IMPG1: variants seen among roughly 807,000 people sequenced by gnomAD.
IMPG1 encodes the protein interphotoreceptor matrix proteoglycan 1, also known as interphotoreceptor matrix proteoglycan of 150 kDa.
Under a neutral mutation model 92.0 loss-of-function variants are expected in IMPG1, and 85 were observed. The observed-to-expected ratio is 0.92, with a 90% CI of 0.78 to 1.11. The LOEUF (loss-of-function observed/expected upper bound fraction) is 1.11, where lower values mean the gene tolerates loss of function less well. Ranked by LOEUF, IMPG1 falls within the 50% of genes least tolerant of loss-of-function variation. IMPG1 has a pLI of 0.00. For synonymous variants in IMPG1, 367 were observed against 334.1 expected, an observed-to-expected ratio of 1.10 and a Z score of -1.08; for missense variants, 1,022 against 956.0, an observed-to-expected ratio of 1.07 and a Z score of -0.91.
intron 12 of IMPG1, among the ~76,000 whole-genome samples, chr6:75,978,459 A>G (rs1311355910): frequency 6.6e-6 from 1 of 152,076 alleles, no homozygotes; most frequent in East Asian, 1.9e-4. Flanking sequence ...CCTCTGAGAA[A>G]GGCAAGGTAG....
In IMPG1 at chr6:76,041,989, T is replaced by A; in HGVS notation, c.205A>T (p.Lys69Ter). The A allele has an allele frequency of 6.2e-7, 1 of 1,614,048 alleles. No homozygotes were observed. The highest frequency in any genetic ancestry group is 8.5e-7 in the Non-Finnish European group (1 of 1,179,910). ...RIFDLAKHRT[K>*]RSAFFPTGVK... ...CCCGTTGGGAAAAATGCGGATCTTT[T>A]TGTTCGATGCTTTGCCAAATCGAAT... The change falls in exon 2 of 17, where the codon AAA (lysine) becomes TAA (stop). Residue 69 changes from lysine (K) to a stop codon, truncating the protein, a stop_gained. Coordinates refer to ENST00000369950, the MANE Select transcript of IMPG1 (RefSeq NM_001563.4). LOFTEE classifies it high-confidence loss of function.
intron 4 of IMPG1, among the ~76,000 whole-genome samples, chr6:76,032,582 A>G (rs977662235): frequency 3.3e-5 from 5 of 152,214 alleles, no homozygotes; most frequent in Admixed American, 6.5e-5. Flanking sequence ...ATACTCCTAC[A>G]GGAAAACTGG....
In IMPG1 at chr6:75,945,936, G is replaced by A. The variant is rs112411839; in HGVS notation, c.2044+1378C>T. 9.3e-4 allele frequency among the ~76,000 whole-genome samples: 141 copies of A among 152,304 alleles called. 1 individual carries two copies. Among genetic ancestry groups the A allele is most frequent in the African/African-American group, 3.2e-3 (134 of 41,572 alleles). Reference sequence around the variant, plus strand: ...CGTTGACCTTCTTGTGCTGGTGGATGGGTCCCTAAGTAAGCTGTCAGCTCC... The same window carrying A: ...CGTTGACCTTCTTGTGCTGGTGGATAGGTCCCTAAGTAAGCTGTCAGCTCC... On this transcript the variant is annotated intron_variant, in intron 14 of 16. Coordinates refer to ENST00000369950, the MANE Select transcript of IMPG1 (RefSeq NM_001563.4).
At chr6:75,934,905 C>T (rs1325060506) in intron 14 of IMPG1, 2 of 468,244 alleles carry the variant, frequency 4.3e-6, no homozygotes, top group Admixed American at 4.7e-5. Context: ...TGCTTTTGCG[C>T]TGTCCCATTT....
chr6:75,958,344 A>T (rs1192704905), intron 12 of IMPG1, among the ~76,000 whole-genome samples: 1 of 152,094 alleles, frequency 6.6e-6, no homozygotes, highest in Non-Finnish European at 1.5e-5. Context: ...AACTTTGGTG[A>T]ATCTGATGAT....
chr6:76,014,830 G>A (rs1274344815), intron 7 of IMPG1, among the ~76,000 whole-genome samples: 3 of 152,156 alleles, frequency 2.0e-5, no homozygotes, highest in Non-Finnish European at 4.4e-5. Context: ...TTGGGTGGAA[G>A]GGATTTATTG....
intron 12 of IMPG1, among the ~76,000 whole-genome samples, chr6:75,991,603 C>T (rs968862012): frequency 3.3e-5 from 5 of 152,266 alleles, no homozygotes; most frequent in South Asian, 4.1e-4. Context: ...CTAACCTATG[C>T]CAGCCCCCTT....
At chr6:76,064,140 AAGGACAGCCATTCTAGGGGTAGAATGG>A (rs1335373140) in intron 1 of IMPG1, among the ~76,000 whole-genome samples, 31 of 152,038 alleles carry the variant, frequency 2.0e-4, no homozygotes, top group Admixed American at 6.5e-4. Context: ...TGCTAGAATA[AAGGACAGCCATTCTAGGGGTAGAATGG>A]AGGACAGCCA....
chr6:76,029,488 TATC>T (rs1352796796), intron 4 of IMPG1, among the ~76,000 whole-genome samples: 1 of 152,242 alleles, frequency 6.6e-6, no homozygotes, highest in Non-Finnish European at 1.5e-5. Context: ...TTTCAAAACT[TATC>T]ATACATTTGT....
intron 2 of IMPG1, among the ~76,000 whole-genome samples, chr6:76,039,356 G>GTTT (rs34625575): frequency 2.2e-5 from 3 of 133,538 alleles, no homozygotes; most frequent in African/African-American, 5.5e-5. Flanking sequence ...AGATCTAGCT[G>GTTT]TTTTTTTTTT....
At chr6:76,056,960 CA>C (rs1236613216) in intron 1 of IMPG1, among the ~76,000 whole-genome samples, 1 of 152,124 alleles carries the variant, frequency 6.6e-6, no homozygotes. Context: ...GAATATTATG[CA>C]GCCATAAAAA....
intron 1 of IMPG1, among the ~76,000 whole-genome samples, chr6:76,072,039 T>C (rs1250029208): frequency 6.6e-6 from 1 of 152,136 alleles, no homozygotes; most frequent in Non-Finnish European, 1.5e-5. Flanking sequence ...TGTCTGACCA[T>C]AAATGACTTA....
At position 76,024,234 on chromosome 6, in the gene IMPG1, A is replaced by T. The variant is rs537786516; in HGVS notation, c.562+960T>A. ...GAATGTCAGTAAAGGAAGAAATGGG[A>T]AAGTAATATCATTTATTTACAAATA... On this transcript the variant is annotated intron_variant, in intron 5 of 16. Coordinates refer to ENST00000369950, the MANE Select transcript of IMPG1 (RefSeq NM_001563.4). Among the ~76,000 whole-genome samples the T allele has an allele frequency of 2.6e-5, 4 of 152,298 alleles. No homozygotes were observed. In the East Asian group the frequency reaches 5.8e-4, roughly 22 times the overall value.
chr6:76,042,251 G>T, intron 1 of IMPG1, 125 bp from the exon 2 acceptor site: 3 of 635,936 alleles, frequency 4.7e-6, no homozygotes, highest in Non-Finnish European at 5.6e-6. Context: ...TTCTACCGTG[G>T]TGCAACTGCT....
At chr6:76,024,704 A>T (rs1783492397) in intron 5 of IMPG1, among the ~76,000 whole-genome samples, 1 of 152,208 alleles carries the variant, frequency 6.6e-6, no homozygotes, top group Non-Finnish European at 1.5e-5. Context: ...TTATGTTTAA[A>T]TATCTTAATT....
At chr6:76,050,882 G>A (rs1473610542) in intron 1 of IMPG1, among the ~76,000 whole-genome samples, 1 of 152,078 alleles carries the variant, frequency 6.6e-6, no homozygotes, top group African/African-American at 2.4e-5. Flanking sequence ...AGAGAATCAG[G>A]CTTTCATGGT....
intron 6 of IMPG1, among the ~76,000 whole-genome samples, chr6:76,019,438 C>A (rs1388758165): frequency 6.6e-6 from 1 of 152,186 alleles, no homozygotes; most frequent in African/African-American, 2.4e-5. Flanking sequence ...TACATGGTCT[C>A]TTATAGTGAA....
At chr6:75,925,697 G>A (rs1346712103) in intron 15 of IMPG1, among the ~76,000 whole-genome samples, 2 of 141,698 alleles carry the variant, frequency 1.4e-5, no homozygotes, top group African/African-American at 2.6e-5. Flanking sequence ...AGACAGTCTC[G>A]CTCTGTCACC....
rs1783024034 is a variant in IMPG1, at chr6:76,002,966, C to A, written c.1243G>T (p.Val415Phe). The A allele has an allele frequency of 6.2e-7, 1 of 1,613,570 alleles. No homozygotes were observed. The highest frequency in any genetic ancestry group is 8.5e-7 in the Non-Finnish European group (1 of 1,179,754). The change falls in exon 12 of 17, where the codon GTT (valine) becomes TTT (phenylalanine). Residue 415 changes from valine to phenylalanine, a missense_variant. By Grantham distance (50) the Val-to-Phe change is conservative (BLOSUM62 -1). This residue lies in a region of IMPG1 where 681 missense variants were observed against 583.6 expected (regional missense o/e 1.17). Transcript: ENST00000369950. ...DATLSPELPP[V>F]EPQLETVDGA... is the part of the protein sequence containing the mutation. Reference sequence around the variant, plus strand: ...TCCACTGTCTCAAGCTGGGGTTCAACAGGAGGAAGTTCTGGACTCAAAGTA... The same window carrying A: ...TCCACTGTCTCAAGCTGGGGTTCAAAAGGAGGAAGTTCTGGACTCAAAGTA...
Sources: allele counts gnomAD v4.1 joint callset (sites outside exome capture counted in the v4.1 genomes callset), GRCh38; gene constraint gnomAD v4.1.1; regional missense constraint gnomAD v4.1.1; transcripts MANE v1.5; gene names NCBI Gene and HGNC (gene_info 2026-07-23, HGNC 2026-07-21).